Variants in KCNIP4 observed in about 807,000 individuals in gnomAD.
KCNIP4 encodes the protein potassium voltage-gated channel interacting protein 4, also known as Kv channel-interacting protein 4.
In KCNIP4, 12 loss-of-function variants were observed where a neutral mutation model predicts 34.0. The observed-to-expected ratio is 0.35, with a 90% CI of 0.23 to 0.57. KCNIP4 has a LOEUF of 0.57. Among genes scored for constraint, KCNIP4 ranks in the 20% least tolerant of loss-of-function variants. The pLI is 0.83. For synonymous variants in KCNIP4, 124 were observed against 102.2 expected (o/e 1.21, Z -1.29); for missense variants, 238 against 311.7 (o/e 0.76, Z 1.78).
At chr4:20,745,127 C>T (rs981236151) in intron 5 of KCNIP4, among the ~76,000 whole-genome samples, 1 of 152,182 alleles carries the variant, frequency 6.6e-6, no homozygotes, top group Non-Finnish European at 1.5e-5. Context: ...GCTTTGGCCT[C>T]TTCTTGCAGC....
chr4:21,377,637 C>T (rs898351559), intron 1 of KCNIP4, among the ~76,000 whole-genome samples: 1 of 152,156 alleles, frequency 6.6e-6, no homozygotes, highest in Non-Finnish European at 1.5e-5. Context: ...CATCATTCTG[C>T]CTCATTGCTG....
chr4:21,185,829 G>T (rs1755183007), intron 1 of KCNIP4, among the ~76,000 whole-genome samples: 1 of 152,148 alleles, frequency 6.6e-6, no homozygotes, highest in African/African-American at 2.4e-5. Flanking sequence ...TACTGTATCA[G>T]CATGCAGCTA....
chr4:21,404,700 C>T lies in KCNIP4; in HGVS notation c.62-521991G>A, dbSNP rs1453542526. Among the ~76,000 whole-genome samples, 11 of 152,056 alleles carry T rather than the reference C, an allele frequency of 7.2e-5. No individual in the cohort carries two copies. In the East Asian group the frequency reaches 2.1e-3, roughly 29 times the overall value. ...CTAAGAATGTTAAAGCAATTAAAAG[C>T]TATTATGTTATAAACCAACCAATAA... On this transcript the variant is annotated intron_variant, in intron 1 of 8. Coordinates refer to ENST00000382152, the MANE Select transcript of KCNIP4 (RefSeq NM_025221.6).
At chr4:21,025,220 C>T (rs1226327576) in intron 1 of KCNIP4, among the ~76,000 whole-genome samples, 1 of 152,098 alleles carries the variant, frequency 6.6e-6, no homozygotes, top group Non-Finnish European at 1.5e-5. Flanking sequence ...GACCCCCATA[C>T]AGGTGAGGTA....
intron 1 of KCNIP4, among the ~76,000 whole-genome samples, chr4:20,930,287 T>C (rs1471873153): frequency 6.6e-6 from 1 of 152,050 alleles, no homozygotes; most frequent in East Asian, 1.9e-4. Context: ...TAAATGATTC[T>C]GGGAAAATTG....
intron 1 of KCNIP4, among the ~76,000 whole-genome samples, chr4:21,061,710 T>G (rs922405542): frequency 6.6e-6 from 1 of 152,198 alleles, no homozygotes; most frequent in African/African-American, 2.4e-5. Context: ...TGCCTAAACA[T>G]TATATGATCC....
chr4:21,044,764 T>G (rs1000058939), intron 1 of KCNIP4, among the ~76,000 whole-genome samples: 1 of 152,198 alleles, frequency 6.6e-6, no homozygotes, highest in African/African-American at 2.4e-5. Context: ...CATTCCCATC[T>G]TTCTCTACTG....
At chr4:21,421,386 G>C (rs1226613534) in intron 1 of KCNIP4, among the ~76,000 whole-genome samples, 1 of 152,156 alleles carries the variant, frequency 6.6e-6, no homozygotes, top group African/African-American at 2.4e-5. Context: ...TCCATGGATG[G>C]ATAAATGGAT....
intron 3 of KCNIP4, among the ~76,000 whole-genome samples, chr4:20,837,813 C>A (rs1246510662): frequency 1.3e-5 from 2 of 151,286 alleles, no homozygotes; most frequent in Non-Finnish European, 2.9e-5. Context: ...TCCCGAGTAG[C>A]TGGGACTACA....
intron 1 of KCNIP4, among the ~76,000 whole-genome samples, chr4:21,795,976 A>G (rs1401997832): frequency 6.6e-6 from 1 of 152,092 alleles, no homozygotes; most frequent in Non-Finnish European, 1.5e-5. Context: ...GGCAGAAGCA[A>G]AAGAATCACT....
In KCNIP4 at chr4:21,585,395, T is replaced by A. The variant is rs182199754; in HGVS notation, c.61+363176A>T. On this transcript the variant is annotated intron_variant, in intron 1 of 8. Transcript: ENST00000382152. ...TTATCTCAATCCAATTACTTATAAA[T>A]CAAATTTTTGCTGCAAAGTTTATCA... Among the ~76,000 whole-genome samples, 1,011 of 152,200 alleles carry A rather than the reference T, an allele frequency of 6.6e-3. 16 individuals are homozygous for A. The highest frequency in any genetic ancestry group is 7.5e-3 in the Non-Finnish European group (513 of 67,992).
intron 1 of KCNIP4, among the ~76,000 whole-genome samples, chr4:21,192,093 T>C (rs1473623722): frequency 2.0e-5 from 3 of 152,184 alleles, no homozygotes; most frequent in African/African-American, 7.2e-5. Context: ...CAAGCAGACA[T>C]TCAATTATAT....
At chr4:20,973,897 G>C (rs1315239922) in intron 1 of KCNIP4, among the ~76,000 whole-genome samples, 1 of 152,074 alleles carries the variant, frequency 6.6e-6, no homozygotes, top group Non-Finnish European at 1.5e-5. Context: ...CTCCTAATCT[G>C]AACTCGATTA....
intron 1 of KCNIP4, among the ~76,000 whole-genome samples, chr4:20,977,568 C>T (rs1577472800): frequency 6.7e-6 from 1 of 148,288 alleles, no homozygotes; most frequent in Admixed American, 6.7e-5. Context: ...GCACAAGTTA[C>T]CAAAGTAAGT....
chr4:21,517,745 C>T (rs188625322), intron 1 of KCNIP4, among the ~76,000 whole-genome samples: 1 of 152,106 alleles, frequency 6.6e-6, no homozygotes, highest in South Asian at 2.1e-4. Context: ...CTGCTGTGCA[C>T]ATAAATTCAA....
At chr4:21,525,703 T>C (rs1286851428) in intron 1 of KCNIP4, among the ~76,000 whole-genome samples, 1 of 152,088 alleles carries the variant, frequency 6.6e-6, no homozygotes, top group Non-Finnish European at 1.5e-5. Context: ...TTGTTTTAAA[T>C]TGGGGATTCA....
chr4:21,495,522 G>A (rs1040858449), intron 1 of KCNIP4, among the ~76,000 whole-genome samples: 1 of 152,108 alleles, frequency 6.6e-6, no homozygotes, highest in Admixed American at 6.5e-5. Flanking sequence ...ATGATCCGAT[G>A]ATGATAAAAG....
At chr4:21,056,819 T>C (rs562975652) in intron 1 of KCNIP4, among the ~76,000 whole-genome samples, 2 of 152,094 alleles carry the variant, frequency 1.3e-5, no homozygotes, top group South Asian at 4.1e-4. Flanking sequence ...GTGATAATAT[T>C]GGGAAGTGGG....
intron 1 of KCNIP4, among the ~76,000 whole-genome samples, chr4:21,520,492 T>G (rs1577515125): frequency 6.6e-6 from 1 of 152,222 alleles, no homozygotes; most frequent in African/African-American, 2.4e-5. Context: ...TCTTAAGAGC[T>G]ACATCATACT....
Sources: allele counts gnomAD v4.1 joint callset (sites outside exome capture counted in the v4.1 genomes callset), GRCh38; gene constraint gnomAD v4.1.1; transcripts MANE v1.5; gene names NCBI Gene and HGNC (gene_info 2026-07-23, HGNC 2026-07-21).